Variants in PCSK7 observed in about 807,000 individuals in gnomAD.
The protein encoded by PCSK7 is proprotein convertase subtilisin/kexin type 7.
PCSK7 carries 38 observed loss-of-function variants against 73.3 expected under a neutral mutation model. That is an observed-to-expected ratio of 0.52 (90% confidence interval 0.40 to 0.68). The LOEUF is 0.68. Among genes scored for constraint, PCSK7 ranks in the 30% least tolerant of loss-of-function variants. PCSK7 has a pLI of 0.00. For synonymous variants in PCSK7, 296 were observed against 383.8 expected (o/e 0.77, Z 2.68); for missense variants, 692 against 991.5 (o/e 0.70, Z 4.06).
At position 117,218,394 on chromosome 11, in the gene PCSK7, G is replaced by A. The variant is rs763193251; in HGVS notation, c.1534+72C>T. 30 of 761,094 alleles carry A rather than the reference G, an allele frequency of 3.9e-5. No homozygotes were observed. Among genetic ancestry groups the A allele is most frequent in the Non-Finnish European group, 5.7e-5 (27 of 474,982 alleles). 47.1% of individuals were successfully genotyped at this position (761,094 alleles called of 1,614,324 possible). Reference sequence around the variant, plus strand: ...GGGGGTAGAATCTGGCAGGGAGGACGAGTTTAACTTCCTTGTCACCCGGCC... The same window carrying A: ...GGGGGTAGAATCTGGCAGGGAGGACAAGTTTAACTTCCTTGTCACCCGGCC... On this transcript the variant is annotated intron_variant, in intron 12 of 16. Transcript: ENST00000320934. The surrounding 1 kb of genome is among the most constrained non-coding windows in gnomAD (Gnocchi z 4.0).
rs2032300831 is a variant in PCSK7 at position 117,223,773 on chromosome 11, G to A, written c.1054+305C>T. The A allele has an allele frequency of 9.8e-6, 4 of 407,584 alleles. No individual in the cohort carries two copies. The East Asian group carries it at 1.8e-4, about 18-fold the overall frequency. 25.2% of individuals were successfully genotyped at this position (407,584 alleles called of 1,614,324 possible). ...GGCACTTAATTTAGGCCTGTGGGGA[G>A]TCAGGGGAGGCTTCCAGCAGGCAGA... On this transcript the variant is annotated intron_variant, in intron 8 of 16. Coordinates refer to ENST00000320934, the MANE Select transcript of PCSK7 (RefSeq NM_004716.4).
At chr11:117,225,741 G>A in intron 6 of PCSK7, 190 bp downstream of exon 6, 1 of 614,502 alleles carries the variant, frequency 1.6e-6, no homozygotes, top group East Asian at 2.7e-5. Context: ...TGATTACGGG[G>A]GTGACGGGGG....
chr11:117,231,027 C>T (rs1242297602), intron 1 of PCSK7: 1 of 144,046 alleles, frequency 6.9e-6, no homozygotes, highest in African/African-American at 2.6e-5. Flanking sequence ...CTGGGTTTGA[C>T]AGAACCAGGG....
At chr11:117,225,355 C>G (rs919069980) in intron 6 of PCSK7, 8 of 157,974 alleles carry the variant, frequency 5.1e-5, no homozygotes, top group Non-Finnish European at 9.8e-5. Flanking sequence ...AGCCACCGCA[C>G]CTGGCCCAAC....
rs1319015236 is a variant in PCSK7 at position 117,204,717 on chromosome 11, C to A, written c.*1280G>T. 1.9e-5 allele frequency: 7 copies of A among 365,690 alleles called. No homozygotes were observed. Among genetic ancestry groups the A allele is most frequent in the Non-Finnish European group, 3.7e-5 (7 of 191,692 alleles). The allele number at this position is 365,690 out of a possible 1,614,324, so 22.7% of individuals were successfully genotyped here. A position where few individuals can be genotyped will look rare whatever the true frequency, so the allele number is the denominator to read the frequency against. ...GCCCATTGAAGAAGAACCAGCCCAG[C>A]CTGCCCCCTATCTTGTCCTGGAATA... On this transcript the variant is annotated 3_prime_UTR_variant, in exon 17 of 17. Coordinates refer to ENST00000320934, the MANE Select transcript of PCSK7 (RefSeq NM_004716.4).
intron 1 of PCSK7, 77 bp from the exon 2 acceptor site, chr11:117,230,545 A>AC (rs1273501900): frequency 2.6e-5 from 4 of 152,336 alleles, no homozygotes; most frequent in Non-Finnish European, 5.9e-5. Flanking sequence ...AAACTCCAGG[A>AC]CCAGGGACCA....
In PCSK7 at chr11:117,223,392, T is replaced by C; in HGVS notation, c.1055-84A>G. ...TTGCTAATGTCAGTTATCTTGGAGT[T>C]ACCATCCTGGGGGGCTGTCCTGAGT... On this transcript the variant is annotated intron_variant, in intron 8 of 16. Coordinates refer to ENST00000320934, the MANE Select transcript of PCSK7 (RefSeq NM_004716.4). 5 of 843,718 alleles carry C rather than the reference T, an allele frequency of 5.9e-6. No homozygotes were observed. In the South Asian group the frequency reaches 6.8e-5, roughly 12 times the overall value. 52.3% of individuals were successfully genotyped at this position (843,718 alleles called of 1,614,324 possible). A position where few individuals can be genotyped will look rare whatever the true frequency, so the allele number is the denominator to read the frequency against.
chr11:117,226,258 T>C (rs752125359), intron 5 of PCSK7: 63 of 518,954 alleles, frequency 1.2e-4, no homozygotes, highest in Non-Finnish European at 1.8e-4. Context: ...TGCCTCAGCC[T>C]CGAAGTAGCT....
chr11:117,229,815 G>A lies in PCSK7; in HGVS notation c.30C>T (p.His10=), dbSNP rs1243861742. The A allele has an allele frequency of 1.9e-6, 3 of 1,583,400 alleles. No homozygotes were observed. The highest frequency in any genetic ancestry group is 2.6e-6 in the Non-Finnish European group (3 of 1,162,716). ...TGGGCAGGCCCAGGGGGGCATCCAAGTGTGGCACTTTCTGCCTCCCCTTCG... is the reference window on the plus strand; with the variant it reads ...TGGGCAGGCCCAGGGGGGCATCCAAATGTGGCACTTTCTGCCTCCCCTTCG... MPKGRQKVP[H]LDAPLGLPTC... The change falls in exon 3 of 17, where the codon CAC becomes CAT. Residue 10 remains histidine, a synonymous_variant. Transcript: ENST00000320934.
chr11:117,227,598 A>G (rs1477076647), intron 4 of PCSK7, among the ~76,000 whole-genome samples: 4 of 152,090 alleles, frequency 2.6e-5, no homozygotes, highest in Non-Finnish European at 4.4e-5. Context: ...GAGCGCCACC[A>G]CACTTGGCTA....
chr11:117,220,116 C>A (rs751787882), intron 9 of PCSK7: 1 of 173,228 alleles, frequency 5.8e-6, no homozygotes, highest in East Asian at 1.5e-4. Flanking sequence ...GAAACCCTAA[C>A]CCTCCTGGCC....
At chr11:117,209,202 G>C (rs2031594242) in intron 12 of PCSK7, 149 bp from the exon 13 acceptor site, 3 of 574,304 alleles carry the variant, frequency 5.2e-6, no homozygotes, top group Non-Finnish European at 6.0e-6. Flanking sequence ...CTAGTAAATG[G>C]AATGGAGCTG....
Position 117,218,415 on chromosome 11 carries a change from C to T in PCSK7, c.1534+51G>A, listed in dbSNP as rs748122910. 30 of 996,808 alleles carry T rather than the reference C, an allele frequency of 3.0e-5. No individual in the cohort carries two copies. Among genetic ancestry groups the T allele is most frequent in the Middle Eastern group, 2.5e-4 (1 of 4,074 alleles). The allele number at this position is 996,808 out of a possible 1,614,324, so 61.7% of individuals were successfully genotyped here. A position where few individuals can be genotyped will look rare whatever the true frequency, so the allele number is the denominator to read the frequency against. The stretch of plus-strand genomic sequence containing the variant: ...GGACGAGTTTAACTTCCTTGTCACC[C>T]GGCCCCAAACCTCAGGCCTAAGATT... On this transcript the variant is annotated intron_variant, in intron 12 of 16. Transcript: ENST00000320934. This position sits in a 1 kb window ranked among gnomAD's most constrained non-coding sequence, Gnocchi z 4.0.
chr11:117,223,767 T>G, intron 8 of PCSK7: 1 of 398,180 alleles, frequency 2.5e-6, no homozygotes, highest in Non-Finnish European at 4.6e-6. Flanking sequence ...TTTAGGCCTG[T>G]GGGGAGTCAG....
intron 12 of PCSK7, chr11:117,216,641 G>C (rs2031997934): frequency 6.6e-6 from 1 of 151,950 alleles, no homozygotes; most frequent in Non-Finnish European, 1.5e-5. Context: ...TGTTGGTCAG[G>C]TTGGTCTCAA....
chr11:117,217,533 T>C (rs2032034326), intron 12 of PCSK7: 1 of 152,130 alleles, frequency 6.6e-6, no homozygotes, highest in South Asian at 2.1e-4. Context: ...TGGATGTGGT[T>C]AGGAGGAGAA....
Position 117,219,611 on chromosome 11 carries a change from T to C in PCSK7, c.1303A>G (p.Ile435Val). 1 of 1,612,808 alleles carries C rather than the reference T, an allele frequency of 6.2e-7. No individual in the cohort carries two copies. Among genetic ancestry groups the C allele is most frequent in the Non-Finnish European group, 8.5e-7 (1 of 1,179,524 alleles). ...CLTWRDVQHI[I>V]VFTATRYEDR... ...CTCACCCGGGTGGCTGTGAAGACAA[T>C]GATGTGCTGGACGTCACGCCACGTG... Residue 435 changes from isoleucine to valine, a missense_variant, in exon 10 of 17, where the codon ATT becomes GTT. Physicochemically the swap from Ile to Val is conservative, Grantham distance 29 (BLOSUM62 3). This residue lies in a region of PCSK7 where 574 missense variants were observed against 689.8 expected (regional missense o/e 0.83). Transcript: ENST00000320934.
At chr11:117,223,781 A>G in intron 8 of PCSK7, 1 of 414,512 alleles carries the variant, frequency 2.4e-6, no homozygotes, top group East Asian at 4.3e-5. Flanking sequence ...GAGTCAGGGG[A>G]GGCTTCCAGC....
chr11:117,213,571 T>C (rs149812285), intron 12 of PCSK7: 2 of 152,358 alleles, frequency 1.3e-5, no homozygotes, highest in Non-Finnish European at 2.9e-5. Flanking sequence ...ATGGCATAGT[T>C]AGAGGACAGC....
Sources: allele counts gnomAD v4.1 joint callset (sites outside exome capture counted in the v4.1 genomes callset), GRCh38; gene constraint gnomAD v4.1.1; regional missense constraint gnomAD v4.1.1; non-coding constraint Gnocchi (gnomAD v3.1); transcripts MANE v1.5; gene names NCBI Gene and HGNC (gene_info 2026-07-23, HGNC 2026-07-21).